Variants in FAM13A observed in about 807,000 individuals in gnomAD.
FAM13A encodes protein FAM13A.
In FAM13A, 76 loss-of-function variants were observed where a neutral mutation model predicts 129.6. That is an observed-to-expected ratio of 0.59 (90% CI 0.49 to 0.71). The LOEUF (loss-of-function observed/expected upper bound fraction) is 0.71, where lower values mean the gene tolerates loss of function less well. FAM13A is among the 30% of genes least tolerant of loss of function. FAM13A has a pLI of 0.00. For synonymous variants in FAM13A, 443 were observed against 449.9 expected, an observed-to-expected ratio of 0.98 and a Z score of 0.20; for missense variants, 1,108 against 1,249.3, an observed-to-expected ratio of 0.89 and a Z score of 1.70.
intron 1 of FAM13A, among the ~76,000 whole-genome samples, chr4:89,039,183 CAGA>C (rs758537489): frequency 4.5e-4 from 68 of 152,146 alleles, no homozygotes; most frequent in Non-Finnish European, 5.7e-4. Flanking sequence ...GAAACAAATC[CAGA>C]AGGAGAGACA....
At chr4:89,000,112 T>C (rs1054570682) in intron 3 of FAM13A, among the ~76,000 whole-genome samples, 9 of 152,198 alleles carry the variant, frequency 5.9e-5, no homozygotes, top group African/African-American at 2.2e-4. Context: ...CTTTTCCTCT[T>C]CAAGCCTATA....
chr4:88,779,848 T>TA (rs1322909791), intron 11 of FAM13A, among the ~76,000 whole-genome samples: 1 of 152,160 alleles, frequency 6.6e-6, no homozygotes, highest in Non-Finnish European at 1.5e-5. Context: ...TAAATGAATG[T>TA]AAAAAGGGAT....
chr4:89,054,932 T>C (rs960530743), intron 1 of FAM13A, among the ~76,000 whole-genome samples: 9 of 152,146 alleles, frequency 5.9e-5, no homozygotes, highest in African/African-American at 2.2e-4. Context: ...ACTACCTCTC[T>C]AAAATTACCT....
chr4:88,942,101 C>T (rs566077425), intron 4 of FAM13A, among the ~76,000 whole-genome samples: 1 of 152,174 alleles, frequency 6.6e-6, no homozygotes, highest in East Asian at 1.9e-4. Context: ...GCCACAGAAG[C>T]TGCAAAGAAT....
intron 7 of FAM13A, among the ~76,000 whole-genome samples, chr4:88,822,034 AG>A (rs1366312821): frequency 1.3e-5 from 2 of 152,156 alleles, no homozygotes; most frequent in Non-Finnish European, 2.9e-5. Flanking sequence ...GTTTTTGTCT[AG>A]TTTTTTTTAT....
intron 1 of FAM13A, among the ~76,000 whole-genome samples, chr4:89,046,917 TAAGTAAAAAAA>T (rs991007932): frequency 1.3e-5 from 2 of 151,972 alleles, no homozygotes; most frequent in Admixed American, 6.6e-5. Context: ...TAAATTTTTT[TAAGTAAAAAAA>T]AAGAAAGAAA....
intron 7 of FAM13A, among the ~76,000 whole-genome samples, chr4:88,827,936 T>G (rs1733294916): frequency 6.6e-6 from 1 of 152,142 alleles, no homozygotes; most frequent in South Asian, 2.1e-4. Context: ...CCAATTTGCC[T>G]CTCCAGTTCA....
At chr4:88,753,816 A>G (rs183460759) in intron 14 of FAM13A, 1 of 154,414 alleles carries the variant, frequency 6.5e-6, no homozygotes, top group East Asian at 1.9e-4. Context: ...CAACTAGAAC[A>G]ATAACAAAGT....
chr4:88,952,488 A>G (rs1440460843), intron 4 of FAM13A, among the ~76,000 whole-genome samples: 1 of 152,328 alleles, frequency 6.6e-6, no homozygotes, highest in Non-Finnish European at 1.5e-5. Flanking sequence ...GCTATTTGAC[A>G]GCAGTAAGGC....
At chr4:88,977,593 G>T (rs1047254602) in intron 4 of FAM13A, among the ~76,000 whole-genome samples, 1 of 152,094 alleles carries the variant, frequency 6.6e-6, no homozygotes, top group Non-Finnish European at 1.5e-5. Context: ...AAATTACAAT[G>T]CATATTTTTC....
Position 89,035,789 on chromosome 4 carries a change from TA to T in FAM13A, c.28-6141del, listed in dbSNP as rs1769310697. Reference sequence around the variant, plus strand: ...TTTCTCTGGCCATGTAAAACATGCTTATTTTTCCTTTGCCTTCACCATAAGT... The same window carrying T: ...TTTCTCTGGCCATGTAAAACATGCTTTTTTTCCTTTGCCTTCACCATAAGT... On this transcript the variant is annotated intron_variant, in intron 1 of 23. Coordinates refer to ENST00000264344, the MANE Select transcript of FAM13A (RefSeq NM_014883.4). Among the ~76,000 whole-genome samples, 3 of 152,212 alleles carry T rather than the reference TA, an allele frequency of 2.0e-5. No individual in the cohort carries two copies. The South Asian group carries it at 6.2e-4, about 32-fold the overall frequency.
chr4:88,767,634 C>A, intron 12 of FAM13A, 39 bp from the exon 13 acceptor site: 4 of 1,482,332 alleles, frequency 2.7e-6, no homozygotes, highest in Non-Finnish European at 3.7e-6. Context: ...CATAAAATAT[C>A]TACTTGTTTT....
intron 2 of FAM13A, among the ~76,000 whole-genome samples, chr4:89,027,591 T>TC (rs1768133867): frequency 6.6e-6 from 1 of 151,900 alleles, no homozygotes; most frequent in East Asian, 1.9e-4. Context: ...CAGCATACAA[T>TC]TTTTTTTCTT....
intron 6 of FAM13A, among the ~76,000 whole-genome samples, chr4:88,854,672 C>T (rs746041396): frequency 6.6e-6 from 1 of 152,188 alleles, no homozygotes; most frequent in Non-Finnish European, 1.5e-5. Flanking sequence ...TAAAGATCTA[C>T]GTATACGCTG....
At chr4:89,005,251 C>CT (rs1157468832) in intron 3 of FAM13A, among the ~76,000 whole-genome samples, 1 of 152,134 alleles carries the variant, frequency 6.6e-6, no homozygotes, top group Non-Finnish European at 1.5e-5. Flanking sequence ...TGTTCTTGTT[C>CT]TTTTTTATGG....
At chr4:88,886,931 G>GAT (rs1246071204) in intron 6 of FAM13A, among the ~76,000 whole-genome samples, 2 of 151,476 alleles carry the variant, frequency 1.3e-5, no homozygotes, top group Admixed American at 6.6e-5. Flanking sequence ...AAGAAATTAT[G>GAT]ATATATATAT....
chr4:88,999,385 T>C (rs1763959449), intron 3 of FAM13A, among the ~76,000 whole-genome samples: 1 of 152,198 alleles, frequency 6.6e-6, no homozygotes, highest in African/African-American at 2.4e-5. Flanking sequence ...AACTTATTTG[T>C]ATGAGAATTT....
At chr4:88,846,582 T>C (rs1431879200) in intron 7 of FAM13A, among the ~76,000 whole-genome samples, 1 of 152,270 alleles carries the variant, frequency 6.6e-6, no homozygotes, top group Non-Finnish European at 1.5e-5. Flanking sequence ...ACAATGGCTA[T>C]ATTTTAGCAT....
chr4:88,923,372 T>C lies in FAM13A; in HGVS notation c.759+14716A>G, dbSNP rs1751469752. On this transcript the variant is annotated intron_variant, in intron 5 of 23. Transcript: ENST00000264344. ...ATCCACCATGATCAAGTGGGCTTCA[T>C]CCCTGGGATGCAAGGCTGGTTCAAC... 2.6e-5 allele frequency among the ~76,000 whole-genome samples: 4 copies of C among 152,292 alleles called. No homozygotes were observed. In the South Asian group the frequency reaches 8.3e-4, roughly 32 times the overall value.
Sources: allele counts gnomAD v4.1 joint callset (sites outside exome capture counted in the v4.1 genomes callset), GRCh38; gene constraint gnomAD v4.1.1; transcripts MANE v1.5; gene names NCBI Gene and HGNC (gene_info 2026-07-23, HGNC 2026-07-21).